SGCD: variants seen among roughly 807,000 people sequenced by gnomAD.
SGCD encodes sarcoglycan delta.
A neutral mutation model predicts 36.6 loss-of-function variants in SGCD; 18 were observed. The ratio of observed to expected loss-of-function variants is 0.49; its 90% CI spans 0.34 to 0.73. SGCD has a LOEUF of 0.73. Among genes scored for constraint, SGCD ranks in the 30% least tolerant of loss-of-function variants. SGCD has a pLI of 0.01. For synonymous variants in SGCD, 133 were observed against 130.6 expected, an observed-to-expected ratio of 1.02 and a Z score of -0.12; for missense variants, 387 against 346.7, an observed-to-expected ratio of 1.12 and a Z score of -0.92.
chr5:156,368,650 C>T (rs774320154), intron 3 of SGCD, among the ~76,000 whole-genome samples: 6 of 145,504 alleles, frequency 4.1e-5, no homozygotes, highest in Non-Finnish European at 7.4e-5. Context: ...TGCATTACCA[C>T]CTGAGCTCCA....
chr5:156,098,062 T>A (rs753688016), intron 1 of SGCD, among the ~76,000 whole-genome samples: 1 of 152,176 alleles, frequency 6.6e-6, no homozygotes, highest in Non-Finnish European at 1.5e-5. Context: ...TGGGAGGGAA[T>A]TGTGGTATTC....
At chr5:156,023,923 G>A (rs1240405906) in intron 1 of SGCD, among the ~76,000 whole-genome samples, 1 of 152,132 alleles carries the variant, frequency 6.6e-6, no homozygotes. Flanking sequence ...CTCAAGAGAG[G>A]TTTAGTTGGA....
the SGCD span, among the ~76,000 whole-genome samples, chr5:155,739,444 G>C: frequency 6.6e-6 from 1 of 152,322 alleles, no homozygotes; most frequent in South Asian, 2.1e-4. Flanking sequence ...ATTCCTAAGA[G>C]AGCTGCTTTA....
At chr5:156,268,532 G>A (rs1766061901) in intron 3 of SGCD, among the ~76,000 whole-genome samples, 1 of 152,088 alleles carries the variant, frequency 6.6e-6, no homozygotes. Flanking sequence ...TCTAACTGGT[G>A]TGAGATGCTA....
intron 4 of SGCD, among the ~76,000 whole-genome samples, chr5:156,514,007 G>A (rs899651819): frequency 6.6e-6 from 1 of 152,170 alleles, no homozygotes; most frequent in Non-Finnish European, 1.5e-5. Context: ...GTAAAGTTAA[G>A]GGATTTAATG....
rs527470321 is a variant in SGCD at position 156,225,477 on chromosome 5, G to A, written c.-44+101458G>A. Among the ~76,000 whole-genome samples the A allele has an allele frequency of 9.2e-5, 14 of 152,126 alleles. No homozygotes were observed. The East Asian group carries it at 2.3e-3, about 25-fold the overall frequency. ...CCAGTCAGACATTGAGGCCATGCAC[G>A]CTGCCAACTGGAAAGTTAAAGTGAA... On this transcript the variant is annotated intron_variant, in intron 3 of 9. Coordinates refer to the SGCD transcript ENST00000517913.
At chr5:156,102,095 T>G (rs1437478120) in intron 1 of SGCD, among the ~76,000 whole-genome samples, 1 of 152,138 alleles carries the variant, frequency 6.6e-6, no homozygotes, top group East Asian at 1.9e-4. Flanking sequence ...CCCTAGCCCA[T>G]GTTTGATACA....
chr5:156,676,177 T>C (rs1753500216), intron 7 of SGCD, among the ~76,000 whole-genome samples: 1 of 152,234 alleles, frequency 6.6e-6, no homozygotes, highest in African/African-American at 2.4e-5. Flanking sequence ...TGCCCCCTTA[T>C]GAGTTATATT....
At chr5:156,466,327 T>A (rs2127822822) in intron 3 of SGCD, among the ~76,000 whole-genome samples, 2 of 152,360 alleles carry the variant, frequency 1.3e-5, no homozygotes, top group East Asian at 3.9e-4. Flanking sequence ...TAAATTTTTT[T>A]AACTCTTGTA....
intron 3 of SGCD, among the ~76,000 whole-genome samples, chr5:156,276,288 C>G (rs112870227): frequency 4.6e-5 from 7 of 152,272 alleles, no homozygotes; most frequent in African/African-American, 1.7e-4. Flanking sequence ...AGATAATGGA[C>G]AGCTTGCTGA....
chr5:156,002,727 C>T (rs1374189552), intron 1 of SGCD, among the ~76,000 whole-genome samples: 1 of 152,180 alleles, frequency 6.6e-6, no homozygotes, highest in Non-Finnish European at 1.5e-5. Flanking sequence ...TTCCCTGTAC[C>T]CACAGACTCT....
chr5:156,569,924 G>A lies in SGCD; in HGVS notation c.295-19307G>A, dbSNP rs111708924. 9.1e-3 allele frequency among the ~76,000 whole-genome samples: 1,385 copies of A among 152,218 alleles called. 9 individuals carry two copies. Among genetic ancestry groups the A allele is most frequent in the African/African-American group, 0.032 (1,310 of 41,528 alleles). On this transcript the variant is annotated intron_variant, in intron 4 of 8. Transcript: ENST00000337851. Reference sequence around the variant, plus strand: ...AATATTGAGGAGGTAGTAGCAGACCGGATCATGTAGGATCTTGTAGTTAGG... The same window carrying A: ...AATATTGAGGAGGTAGTAGCAGACCAGATCATGTAGGATCTTGTAGTTAGG...
intron 1 of SGCD, among the ~76,000 whole-genome samples, chr5:155,955,355 A>G (rs1757629496): frequency 6.6e-6 from 1 of 152,140 alleles, no homozygotes; most frequent in Admixed American, 6.6e-5. Context: ...AGTGCTAAAT[A>G]AATATTATTA....
chr5:156,655,460 T>C (rs535691903), intron 7 of SGCD, among the ~76,000 whole-genome samples: 1 of 152,254 alleles, frequency 6.6e-6, no homozygotes, highest in South Asian at 2.1e-4. Flanking sequence ...TTTTGGTTTG[T>C]TTTCAGAGTT....
At chr5:156,149,529 A>G (rs565748545) in intron 3 of SGCD, among the ~76,000 whole-genome samples, 1 of 152,296 alleles carries the variant, frequency 6.6e-6, no homozygotes, top group East Asian at 1.9e-4. Flanking sequence ...GGTTCTCAGT[A>G]AAGGGCAGCC....
chr5:156,285,625 A>C (rs899643851), intron 3 of SGCD, among the ~76,000 whole-genome samples: 1 of 152,254 alleles, frequency 6.6e-6, no homozygotes, highest in Non-Finnish European at 1.5e-5. Flanking sequence ...AGCCATATGT[A>C]GAAAGCTGAA....
chr5:155,892,943 C>G (rs1052947720), intron 1 of SGCD, among the ~76,000 whole-genome samples: 3 of 152,132 alleles, frequency 2.0e-5, no homozygotes, highest in African/African-American at 7.2e-5. Flanking sequence ...TAGTGGTTAC[C>G]AGCAGCCAAG....
At chr5:156,487,813 A>AAAAAAAAAAAAAAAAAAG (rs1554107842) in intron 3 of SGCD, among the ~76,000 whole-genome samples, 32 of 77,788 alleles carry the variant, frequency 4.1e-4, no homozygotes, top group East Asian at 8.7e-4. Flanking sequence ...AAAAAAAAAA[A>AAAAAAAAAAAAAAAAAAG]AAAGAAAGAA....
chr5:156,483,914 C>A (rs116183795), intron 3 of SGCD, among the ~76,000 whole-genome samples: 2,942 of 147,374 alleles, frequency 0.02, 32 homozygotes, highest in Non-Finnish European at 0.033. Context: ...AATCTGCTGC[C>A]TAGTAGAATG....
Sources: gnomAD v4.1 joint callset for allele counts (sites outside exome capture counted in the v4.1 genomes callset) on GRCh38, gnomAD v4.1.1 for gene constraint, MANE v1.5 for transcripts, NCBI Gene and HGNC (gene_info 2026-07-23, HGNC 2026-07-21) for gene names.